Variants in PLEKHH3 observed in about 807,000 individuals in gnomAD.
The protein encoded by PLEKHH3 is pleckstrin homology domain-containing family H member 3.
Under a neutral mutation model 77.8 loss-of-function variants are expected in PLEKHH3, and 57 were observed. That is an observed-to-expected ratio of 0.73 (90% CI 0.59 to 0.91). The LOEUF (loss-of-function observed/expected upper bound fraction) is 0.91. Ranked by LOEUF, PLEKHH3 falls within the 40% of genes least tolerant of loss-of-function variation. The probability of loss-of-function intolerance (pLI) is 0.00; values close to 1 mark genes in which losing one functional copy is unlikely to be tolerated. For missense variants in PLEKHH3, 1,082 were observed against 1,091.2 expected (o/e 0.99, Z 0.12); for synonymous variants, 467 against 504.8 (o/e 0.93, Z 1.00).
In PLEKHH3 at chr17:42,671,298, G is replaced by C; in HGVS notation, c.1284+53C>G. The C allele has an allele frequency of 6.3e-7, 1 of 1,588,984 alleles. No individual in the cohort carries two copies. The highest frequency in any genetic ancestry group is 8.6e-7 in the Non-Finnish European group (1 of 1,164,114). On this transcript the variant is annotated intron_variant, in intron 8 of 12. Coordinates refer to ENST00000591022, the MANE Select transcript of PLEKHH3 (RefSeq NM_024927.5). This position sits in a 1 kb window ranked among gnomAD's most constrained non-coding sequence, Gnocchi z 4.7. ...GGTCCAGGAAGAGGGAGAGACAGGC[G>C]TGAGAAGCTGGCAGGGTGGGTTGGA...
At position 42,676,360 on chromosome 17, in the gene PLEKHH3, G is replaced by C. The variant is rs144232242; in HGVS notation, c.162+42C>G. On this transcript the variant is annotated intron_variant, in intron 1 of 12. Coordinates refer to ENST00000591022, the MANE Select transcript of PLEKHH3 (RefSeq NM_024927.5). The surrounding 1 kb of genome is among the most constrained non-coding windows in gnomAD (Gnocchi z 6.6). ...CGGATCAGCGTGACGGCCGGTTACA[G>C]CGAGAGTGATTGAGACGAGGCTCCG... The C allele has an allele frequency of 2.5e-3, 3,946 of 1,609,038 alleles. 113 individuals are homozygous for C. The East Asian group carries it at 0.055, about 22-fold the overall frequency.
At position 42,671,647 on chromosome 17, in the gene PLEKHH3, T is replaced by C; in HGVS notation, c.1077-89A>G. ...TGCTTCTCTTATAGTTTATTTTATC[T>C]AGCCGATTTCCTCCCCGCCCCAACT... On this transcript the variant is annotated intron_variant, in intron 7 of 12. Transcript: ENST00000591022. This position sits in a 1 kb window ranked among gnomAD's most constrained non-coding sequence, Gnocchi z 4.7. 5.9e-6 allele frequency: 8 copies of C among 1,356,984 alleles called. No individual in the cohort carries two copies. Among genetic ancestry groups the C allele is most frequent in the Non-Finnish European group, 8.0e-6 (8 of 1,001,664 alleles). 84.1% of individuals were successfully genotyped at this position (1,356,984 alleles called of 1,614,324 possible).
chr17:42,667,932 T>A lies in PLEKHH3; in HGVS notation c.*195A>T, dbSNP rs1425475675. 2.2e-4 allele frequency: 12 copies of A among 54,320 alleles called. No individual in the cohort carries two copies. The highest frequency in any genetic ancestry group is 1.4e-3 in the African/African-American group (12 of 8,602). The allele number at this position is 54,320 out of a possible 1,614,324, so 3.4% of individuals were successfully genotyped here. A position where few individuals can be genotyped will look rare whatever the true frequency, so the allele number is the denominator to read the frequency against. ...GGAAGGGTTTGTGTAAATAAGAAAC[T>A]TTTTTTTTTTTTTTGCTTCTCTTCT... On this transcript the variant is annotated 3_prime_UTR_variant, in exon 13 of 13. Transcript: ENST00000591022.
In PLEKHH3 at chr17:42,670,979, G is replaced by C. The variant is rs2143570706; in HGVS notation, c.1421+15C>G. Reference sequence around the variant, plus strand: ...GATGGGCTAATAGAGAGCAGGGCTGGGGCTGGACATTTACTTCTCAAACCT... The same window carrying C: ...GATGGGCTAATAGAGAGCAGGGCTGCGGCTGGACATTTACTTCTCAAACCT... On this transcript the variant is annotated intron_variant, in intron 9 of 12. Coordinates refer to ENST00000591022, the MANE Select transcript of PLEKHH3 (RefSeq NM_024927.5). 4 of 1,607,270 alleles carry C rather than the reference G, an allele frequency of 2.5e-6. No homozygotes were observed. In the East Asian group the frequency reaches 8.9e-5, roughly 36 times the overall value.
rs2052589554 is a variant in PLEKHH3, at chr17:42,667,914, T to G, written c.*213A>C. ...CTGAATAACACTCCCACAGGAAGGG[T>G]TTGTGTAAATAAGAAACTTTTTTTT... On this transcript the variant is annotated 3_prime_UTR_variant, in exon 13 of 13. Transcript: ENST00000591022. 5.4e-6 allele frequency: 2 copies of G among 371,568 alleles called. No individual in the cohort carries two copies. The highest frequency in any genetic ancestry group is 9.1e-6 in the Non-Finnish European group (2 of 218,958). The allele number at this position is 371,568 out of a possible 1,614,324, so 23.0% of individuals were successfully genotyped here.
chr17:42,670,074 C>A lies in PLEKHH3; in HGVS notation c.1857G>T (p.Glu619Asp), dbSNP rs2143557752. The A allele has an allele frequency of 6.9e-7, 1 of 1,456,384 alleles. No homozygotes were observed. The highest frequency in any genetic ancestry group is 1.5e-5 in the African/African-American group (1 of 67,344). 90.2% of individuals were successfully genotyped at this position (1,456,384 alleles called of 1,614,324 possible). A position where few individuals can be genotyped will look rare whatever the true frequency, so the allele number is the denominator to read the frequency against. Residue 619 changes from glutamate to aspartate, a missense_variant, in exon 11 of 13, where the codon GAG (glutamate) becomes GAT (aspartate). Physicochemically the swap from Glu to Asp is conservative, Grantham distance 45. Coordinates refer to ENST00000591022, the MANE Select transcript of PLEKHH3 (RefSeq NM_024927.5). ...CTGCCGTGCCGGCGCCGCCTCCTCCCTCGCGGGCAATGCTTCCCGCAGTGC... is the reference window on the plus strand; with the variant it reads ...CTGCCGTGCCGGCGCCGCCTCCTCCATCGCGGGCAATGCTTCCCGCAGTGC... The part of the protein sequence containing the change: ...AGRTAGSIAR[E>D]GGGGAGTAAA...
rs745428671 is a variant in PLEKHH3 at position 42,673,506 on chromosome 17, A to AGCAGAGGC, written c.533_540dup (p.Ser181AlafsTer20). ...CGCTCAGCCTCTGCCTGGCGTGGGG[A>AGCAGAGGC]GCAGAGGCGGACACTGTGTTTCCGA... On this transcript the variant is annotated frameshift_variant, in exon 5 of 13. Transcript: ENST00000591022. LOFTEE classifies it high-confidence loss of function. 1 of 1,606,790 alleles carries AGCAGAGGC rather than the reference A, an allele frequency of 6.2e-7. No individual in the cohort carries two copies. The highest frequency in any genetic ancestry group is 8.5e-7 in the Non-Finnish European group (1 of 1,177,256).
In PLEKHH3 at chr17:42,676,472, C is replaced by T. The variant is rs1649820150; in HGVS notation, c.92G>A (p.Gly31Glu). ...CTCGTCCTCGTCCTCGTCCCCGTCC[C>T]CGCTAAGCTCGCCGTCCCCGTAGTC... ...HRDYGDGELS[G>E]DGDEDEDEET... The change falls in exon 1 of 13, where the codon GGG (glycine) becomes GAG (glutamate). Residue 31 changes from glycine (G) to glutamate (E), a missense_variant. By Grantham distance (98) the Gly-to-Glu change is moderately conservative. Around this residue, in one of 3 missense-constraint regions of PLEKHH3, gnomAD observed 344 missense variants for 320.8 expected, o/e 1.07. Coordinates refer to ENST00000591022, the MANE Select transcript of PLEKHH3 (RefSeq NM_024927.5). The surrounding 1 kb of genome is among the most constrained non-coding windows in gnomAD (Gnocchi z 6.6). The T allele has an allele frequency of 6.2e-7, 1 of 1,612,786 alleles. No individual in the cohort carries two copies. Among genetic ancestry groups the T allele is most frequent in the African/African-American group, 1.3e-5 (1 of 75,048 alleles).
chr17:42,674,444 A>G (rs760145499), intron 1 of PLEKHH3, 35 bp from the exon 2 acceptor site: 3 of 1,542,826 alleles, frequency 1.9e-6, no homozygotes, highest in East Asian at 2.3e-5. Context: ...TCAGGGTCAG[A>G]GCCCTTCCTG....
intron 10 of PLEKHH3, 24 bp from the exon 11 acceptor site, chr17:42,670,400 A>G: frequency 6.9e-7 from 1 of 1,449,370 alleles, no homozygotes; most frequent in Non-Finnish European, 9.0e-7. Context: ...ACCCGGCGTC[A>G]GTGTACGAGC....
At chr17:42,669,761 G>C (rs1567955759) in intron 11 of PLEKHH3, 140 bp from the exon 12 acceptor site, 2 of 1,481,104 alleles carry the variant, frequency 1.4e-6, no homozygotes, top group Non-Finnish European at 1.8e-6. Flanking sequence ...TGAGGCTCCA[G>C]GGATGTGAGG....
At position 42,672,210 on chromosome 17, in the gene PLEKHH3, G is replaced by A. The variant is rs1410792409; in HGVS notation, c.952C>T (p.Pro318Ser). 9 of 1,551,110 alleles carry A rather than the reference G, an allele frequency of 5.8e-6. No homozygotes were observed. Among genetic ancestry groups the A allele is most frequent in the Admixed American group, 3.9e-5 (2 of 51,026 alleles). The stretch of plus-strand genomic sequence containing the variant: ...TCTTGGGTAGCCGGGAGCCCGGGGG[G>A]ACCTGCAGGGCCCGAGGTCTGCTTA... ...LAKQTSGPAG[P>S]PGLPATQDPA... The change falls in exon 7 of 13, where the codon CCC becomes TCC. Residue 318 changes from proline (P) to serine (S), a missense_variant. Transcript: ENST00000591022.
rs112409682 is a variant in PLEKHH3 at position 42,667,931 on chromosome 17, C to CTT, written c.*194_*195dup. 6.9e-4 allele frequency: 254 copies of CTT among 368,808 alleles called. No individual in the cohort carries two copies. Among genetic ancestry groups the CTT allele is most frequent in the African/African-American group, 2.3e-3 (106 of 46,108 alleles). The allele number at this position is 368,808 out of a possible 1,614,324, so 22.8% of individuals were successfully genotyped here. A position where few individuals can be genotyped will look rare whatever the true frequency, so the allele number is the denominator to read the frequency against. ...AGGAAGGGTTTGTGTAAATAAGAAA[C>CTT]TTTTTTTTTTTTTTTGCTTCTCTTC... is the stretch of plus-strand genomic sequence containing the variant. On this transcript the variant is annotated 3_prime_UTR_variant, in exon 13 of 13. Coordinates refer to ENST00000591022, the MANE Select transcript of PLEKHH3 (RefSeq NM_024927.5).
Position 42,676,783 on chromosome 17 carries a change from G to A in PLEKHH3, c.-220C>T. The A allele has an allele frequency of 1.7e-6, 1 of 598,886 alleles. No homozygotes were observed. The allele number at this position is 598,886 out of a possible 1,614,324, so 37.1% of individuals were successfully genotyped here. A position where few individuals can be genotyped will look rare whatever the true frequency, so the allele number is the denominator to read the frequency against. ...TGTCTGGGCCCCCGGAGGGGGGAGG[G>A]GGAAAAGCGTCCAGGGCCCCGGGAG... On this transcript the variant is annotated 5_prime_UTR_variant, in exon 1 of 13. Coordinates refer to ENST00000591022, the MANE Select transcript of PLEKHH3 (RefSeq NM_024927.5). The surrounding 1 kb of genome is among the most constrained non-coding windows in gnomAD (Gnocchi z 6.6).
rs1597790543 is a variant in PLEKHH3 at position 42,671,455 on chromosome 17, C to A, written c.1180G>T (p.Glu394Ter). ...TGCCGTTGGCTCAACGCGGAAATCT[C>A]CGCCAGCGAGGGCACCAGCTCTCTG... ...RGRELVPSLA[E>*]ISALSQRQEL... is the part of the protein sequence containing the mutation. The change falls in exon 8 of 13, where the codon GAG becomes TAG. Residue 394 changes from glutamate to a stop codon, truncating the protein, a stop_gained. Coordinates refer to ENST00000591022, the MANE Select transcript of PLEKHH3 (RefSeq NM_024927.5). LOFTEE classifies it high-confidence loss of function. This position sits in a 1 kb window ranked among gnomAD's most constrained non-coding sequence, Gnocchi z 4.7. The A allele has an allele frequency of 6.2e-7, 1 of 1,613,046 alleles. No homozygotes were observed. Among genetic ancestry groups the A allele is most frequent in the African/African-American group, 1.3e-5 (1 of 74,926 alleles).
chr17:42,673,648 T>C lies in PLEKHH3; in HGVS notation c.485A>G (p.Glu162Gly). ...GAGTCCCCAGGAGGTCTCACCTGTCTCCTTACGCCTGCGCTCTGGGCCGGT... is the reference window on the plus strand; with the variant it reads ...GAGTCCCCAGGAGGTCTCACCTGTCCCCTTACGCCTGCGCTCTGGGCCGGT... ...SVTGPERRRK[E>G]TGLWSVTVSG... The change falls in exon 4 of 13, where the codon GAG becomes GGG. Residue 162 changes from glutamate to glycine, a missense_variant. This residue lies in a region of PLEKHH3 where 344 missense variants were observed against 320.8 expected (regional missense o/e 1.07). Transcript: ENST00000591022. 1.2e-6 allele frequency: 2 copies of C among 1,602,474 alleles called. No individual in the cohort carries two copies. Among genetic ancestry groups the C allele is most frequent in the East Asian group, 4.5e-5 (2 of 44,858 alleles).
Position 42,670,234 on chromosome 17 carries a change from G to C in PLEKHH3, c.1697C>G (p.Pro566Arg). 3 of 1,220,770 alleles carry C rather than the reference G, an allele frequency of 2.5e-6. No homozygotes were observed. The highest frequency in any genetic ancestry group is 1.0e-6 in the Non-Finnish European group (1 of 981,284). 75.6% of individuals were successfully genotyped at this position (1,220,770 alleles called of 1,614,324 possible). A position where few individuals can be genotyped will look rare whatever the true frequency, so the allele number is the denominator to read the frequency against. The stretch of plus-strand genomic sequence containing the variant: ...GGGCGGGTCTTCGCGCGGCGGGGCC[G>C]GGGGCGGGAGCAGGCGGTCCAGGCG... Reference protein sequence around the residue: ...LPRLDRLLPPPAPPREDPPRP... With the variant: ...LPRLDRLLPPRAPPREDPPRP... The change falls in exon 11 of 13, where the codon CCG (proline) becomes CGG (arginine). Residue 566 changes from proline to arginine, a missense_variant. By Grantham distance (103) the Pro-to-Arg change is moderately radical. This residue lies in a region of PLEKHH3 where 733 missense variants were observed against 750.0 expected (regional missense o/e 0.98). Transcript: ENST00000591022.
rs2052719549 is a variant in PLEKHH3 at position 42,672,272 on chromosome 17, A to G, written c.890T>C (p.Leu297Ser). The change falls in exon 7 of 13, where the codon TTG (leucine) becomes TCG (serine). Residue 297 changes from leucine (L) to serine (S), a missense_variant. By Grantham distance (145) the Leu-to-Ser change is moderately radical (BLOSUM62 -2). Around this residue, in one of 3 missense-constraint regions of PLEKHH3, gnomAD observed 733 missense variants for 750.0 expected, o/e 0.98. Coordinates refer to ENST00000591022, the MANE Select transcript of PLEKHH3 (RefSeq NM_024927.5). ...GAAGAGTTCATCCCGGAGCGCGGGCAAGTCCCGGCAGGTTTGGAGCACACC... is the reference window on the plus strand; with the variant it reads ...GAAGAGTTCATCCCGGAGCGCGGGCGAGTCCCGGCAGGTTTGGAGCACACC... ...MQGVLQTCRDLPALRDELFLQ... is the reference protein window; with the variant it reads ...MQGVLQTCRDSPALRDELFLQ... 1 of 1,550,532 alleles carries G rather than the reference A, an allele frequency of 6.4e-7. No individual in the cohort carries two copies. Among genetic ancestry groups the G allele is most frequent in the South Asian group, 1.2e-5 (1 of 84,060 alleles).
chr17:42,669,675 G>A (rs2052639481), intron 11 of PLEKHH3, 54 bp from the exon 12 acceptor site: 2 of 1,547,796 alleles, frequency 1.3e-6, no homozygotes, highest in African/African-American at 1.4e-5. Context: ...CGTTATTTTT[G>A]GTAGGGGGAG....
Sources: gnomAD v4.1 joint callset for allele counts on GRCh38, gnomAD v4.1.1 for gene constraint, gnomAD v4.1.1 regional missense constraint, Gnocchi (gnomAD v3.1) non-coding constraint, MANE v1.5 for transcripts, NCBI Gene and HGNC (gene_info 2026-07-23, HGNC 2026-07-21) for gene names.